RNF144A: variants seen among roughly 807,000 people sequenced by gnomAD.
The protein encoded by RNF144A is ring finger protein 144A.
RNF144A carries 11 observed loss-of-function variants against 38.7 expected under a neutral mutation model. That is an observed-to-expected ratio of 0.28 (90% CI 0.18 to 0.47). The LOEUF (loss-of-function observed/expected upper bound fraction) is 0.47, where lower values mean the gene tolerates loss of function less well. RNF144A is among the 20% of genes least tolerant of loss of function. RNF144A has a pLI of 0.99. For missense variants in RNF144A, 316 were observed against 377.2 expected (o/e 0.84, Z 1.34); for synonymous variants, 149 against 143.9 (o/e 1.04, Z -0.25).
chr2:6,919,348 G>C (rs999236446), intron 1 of RNF144A, among the ~76,000 whole-genome samples: 1 of 152,208 alleles, frequency 6.6e-6, no homozygotes, highest in Non-Finnish European at 1.5e-5. Context: ...TCTCTTCTCC[G>C]GTACTGAGAT....
At chr2:6,945,972 TC>T in intron 2 of RNF144A, among the ~76,000 whole-genome samples, 1 of 152,280 alleles carries the variant, frequency 6.6e-6, no homozygotes, top group South Asian at 2.1e-4. Context: ...AGAATCTGTC[TC>T]CTGGGCAGGG....
At chr2:7,051,192 G>T (rs939964958) in intron 6 of RNF144A, among the ~76,000 whole-genome samples, 3 of 152,156 alleles carry the variant, frequency 2.0e-5, no homozygotes, top group Non-Finnish European at 4.4e-5. Flanking sequence ...GAGAGCAGGG[G>T]GTTGCTCAGA....
At chr2:7,052,044 A>T (rs553195119) in intron 6 of RNF144A, among the ~76,000 whole-genome samples, 1 of 152,206 alleles carries the variant, frequency 6.6e-6, no homozygotes, top group Non-Finnish European at 1.5e-5. Context: ...AATTGGAAGT[A>T]ACATAAATAC....
At chr2:6,999,029 G>A (rs1181599845) in intron 3 of RNF144A, among the ~76,000 whole-genome samples, 5 of 152,052 alleles carry the variant, frequency 3.3e-5, no homozygotes, top group African/African-American at 9.7e-5. Flanking sequence ...TGTTATTGTT[G>A]TCTTAGTTTT....
intron 8 of RNF144A, among the ~76,000 whole-genome samples, chr2:7,030,524 T>C (rs1204994444): frequency 6.6e-6 from 1 of 152,094 alleles, no homozygotes; most frequent in Non-Finnish European, 1.5e-5. Context: ...GCCTTGGTCA[T>C]GACCTGCTGA....
downstream of RNF144A, among the ~76,000 whole-genome samples, chr2:7,047,130 A>G (rs1057391772): frequency 2.2e-4 from 33 of 152,188 alleles, no homozygotes; most frequent in African/African-American, 7.7e-4. Flanking sequence ...ATAGGTTTTC[A>G]TATTTGCCTG....
intron 3 of RNF144A, among the ~76,000 whole-genome samples, chr2:7,000,649 C>T (rs1670036675): frequency 6.6e-6 from 1 of 151,910 alleles, no homozygotes; most frequent in Admixed American, 6.6e-5. Flanking sequence ...ATACTCTTAT[C>T]CCAAAGGTGG....
chr2:6,924,573 G>A (rs1664745891), intron 1 of RNF144A, among the ~76,000 whole-genome samples: 1 of 152,206 alleles, frequency 6.6e-6, no homozygotes, highest in African/African-American at 2.4e-5. Context: ...TGTTCTGGAG[G>A]ATGCTGAGGA....
chr2:6,983,188 A>G (rs946623118), intron 2 of RNF144A, among the ~76,000 whole-genome samples: 1 of 152,182 alleles, frequency 6.6e-6, no homozygotes, highest in Admixed American at 6.5e-5. Context: ...TAGTGTTTGC[A>G]AGTCTCCTTC....
intron 2 of RNF144A, among the ~76,000 whole-genome samples, chr2:6,951,274 C>T (rs1007912419): frequency 1.2e-5 from 1 of 85,238 alleles, no homozygotes; most frequent in Non-Finnish European, 2.9e-5. Context: ...TCCATGTATT[C>T]ATGTTTTTTT....
chr2:7,064,026 A>G (rs775840468), intron 6 of RNF144A, among the ~76,000 whole-genome samples: 8 of 152,222 alleles, frequency 5.3e-5, no homozygotes, highest in Non-Finnish European at 8.8e-5. Context: ...ATGTGAGTAC[A>G]TGAGACAGAG....
intron 3 of RNF144A, among the ~76,000 whole-genome samples, chr2:7,000,078 G>A (rs774263126): frequency 6.6e-6 from 1 of 152,214 alleles, no homozygotes; most frequent in Admixed American, 6.5e-5. Context: ...CCTGAAGCAG[G>A]TTCTCCGGGG....
intron 8 of RNF144A, among the ~76,000 whole-genome samples, chr2:7,035,999 A>G (rs1036118922): frequency 1.3e-5 from 2 of 152,230 alleles, no homozygotes; most frequent in African/African-American, 4.8e-5. Context: ...GTGGCCGCGA[A>G]TGCAAGACCG....
At chr2:6,923,961 G>T (rs937198135) in intron 1 of RNF144A, among the ~76,000 whole-genome samples, 1 of 152,116 alleles carries the variant, frequency 6.6e-6, no homozygotes, top group African/African-American at 2.4e-5. Flanking sequence ...TTTCTGAATG[G>T]ATTTTTGTTA....
chr2:6,952,822 G>A (rs959765940), intron 2 of RNF144A, among the ~76,000 whole-genome samples: 11 of 151,544 alleles, frequency 7.3e-5, no homozygotes, highest in African/African-American at 2.2e-4. Context: ...AATTTAATTC[G>A]CATAAAATTA....
chr2:7,035,226 C>T (rs1467197112), intron 8 of RNF144A, among the ~76,000 whole-genome samples: 1 of 152,178 alleles, frequency 6.6e-6, no homozygotes, highest in Admixed American at 6.5e-5. Flanking sequence ...TAAGGCTTTG[C>T]TCCAGCTCCT....
rs754703549 is a variant in RNF144A, at chr2:7,029,033, C to T, written c.658-1093C>T. Among the ~76,000 whole-genome samples the T allele has an allele frequency of 2.4e-4, 37 of 152,330 alleles. 1 individual carries two copies. The highest frequency in any genetic ancestry group is 5.3e-4 in the Non-Finnish European group (36 of 68,030). On this transcript the variant is annotated intron_variant, in intron 7 of 8. Coordinates refer to ENST00000320892, the MANE Select transcript of RNF144A (RefSeq NM_014746.6). Reference sequence around the variant, plus strand: ...AGGAGAGGAAGTCCGGCTGCAGCCCCCAAACTGTCTTACCAGAGTTGATTG... The same window carrying T: ...AGGAGAGGAAGTCCGGCTGCAGCCCTCAAACTGTCTTACCAGAGTTGATTG...
intron 2 of RNF144A, among the ~76,000 whole-genome samples, chr2:6,995,100 C>CA (rs1669635383): frequency 2.6e-5 from 4 of 152,154 alleles, no homozygotes; most frequent in Admixed American, 2.6e-4. Flanking sequence ...GGTGAATTCT[C>CA]CCTTCTCCTT....
intron 2 of RNF144A, among the ~76,000 whole-genome samples, chr2:6,971,423 T>C (rs1401011546): frequency 2.0e-5 from 3 of 152,230 alleles, no homozygotes; most frequent in Non-Finnish European, 4.4e-5. Flanking sequence ...ATATTAAATG[T>C]TGCAAAACTA....
Sources: allele counts gnomAD v4.1 joint callset (sites outside exome capture counted in the v4.1 genomes callset), GRCh38; gene constraint gnomAD v4.1.1; transcripts MANE v1.5; gene names NCBI Gene and HGNC (gene_info 2026-07-23, HGNC 2026-07-21).